The following INO80 variants were observed in gnomAD, a reference collection of about 807,000 sequenced individuals.
INO80 encodes chromatin-remodeling ATPase INO80.
INO80 carries 20 observed loss-of-function variants against 203.4 expected under a neutral mutation model. That is an observed-to-expected ratio of 0.10 (90% confidence interval 0.07 to 0.14). The LOEUF is 0.14. Among genes scored for constraint, INO80 ranks in the 10% least tolerant of loss-of-function variants. INO80 has a pLI of 1.00. For missense variants in INO80, 1,419 were observed against 1,914.4 expected, an observed-to-expected ratio of 0.74 and a Z score of 4.83; for synonymous variants, 726 against 685.2, an observed-to-expected ratio of 1.06 and a Z score of -0.93.
intron 1 of INO80, among the ~76,000 whole-genome samples, chr15:41,107,934 T>C (rs1158801069): frequency 6.6e-6 from 1 of 151,880 alleles, no homozygotes; most frequent in Admixed American, 6.6e-5. Flanking sequence ...ACCCCATCTC[T>C]ACTAAAAATA....
intron 24 of INO80, among the ~76,000 whole-genome samples, chr15:41,028,384 C>G (rs1257812594): frequency 6.6e-6 from 1 of 152,178 alleles, no homozygotes; most frequent in Non-Finnish European, 1.5e-5. Context: ...GATCCGCCTG[C>G]CTTGGCCTCC....
intron 24 of INO80, among the ~76,000 whole-genome samples, chr15:41,042,898 C>CA (rs2044694142): frequency 6.6e-6 from 1 of 152,142 alleles, no homozygotes; most frequent in Admixed American, 6.6e-5. Context: ...ACAGTGTCTC[C>CA]ACACATATAT....
At chr15:41,087,442 T>C in intron 6 of INO80, 120 bp downstream of exon 6, 2 of 1,107,052 alleles carry the variant, frequency 1.8e-6, no homozygotes, top group Non-Finnish European at 2.6e-6. Context: ...AGGAGAGTTT[T>C]TCAGATAAAG....
At chr15:41,031,511 G>T (rs1340152708) in intron 24 of INO80, among the ~76,000 whole-genome samples, 1 of 97,388 alleles carries the variant, frequency 1.0e-5, no homozygotes, top group Non-Finnish European at 2.1e-5. Flanking sequence ...GAGAAGGAAG[G>T]AAGGGGAAGG....
Position 41,056,609 on chromosome 15 carries a change from G to C in INO80, c.2070+13C>G. Reference sequence around the variant, plus strand: ...TATGAAGATATAAACCTGTGACCTGGACTAGTGCCTACCTCTGCCATGGTG... The same window carrying C: ...TATGAAGATATAAACCTGTGACCTGCACTAGTGCCTACCTCTGCCATGGTG... On this transcript the variant is annotated intron_variant, in intron 17 of 35. Transcript: ENST00000648947. 6.3e-7 allele frequency: 1 copy of C among 1,594,394 alleles called. No homozygotes were observed. Among genetic ancestry groups the C allele is most frequent in the Non-Finnish European group, 8.6e-7 (1 of 1,162,080 alleles).
At chr15:41,111,709 AGGAGAATCACTTGAACTCG>A (rs1185387670) in intron 1 of INO80, among the ~76,000 whole-genome samples, 1 of 151,884 alleles carries the variant, frequency 6.6e-6, no homozygotes, top group Non-Finnish European at 1.5e-5. Context: ...AGGCTGAGGC[AGGAGAATCACTTGAACTCG>A]GGAGGCGGAG....
intron 14 of INO80, among the ~76,000 whole-genome samples, chr15:41,068,570 A>G (rs1171631793): frequency 6.6e-6 from 1 of 151,492 alleles, no homozygotes; most frequent in Non-Finnish European, 1.5e-5. Context: ...TAAAAAAAAA[A>G]ACAACAGCTG....
chr15:41,027,461 T>A (rs2044392233), intron 25 of INO80, 135 bp downstream of exon 25: 4 of 748,050 alleles, frequency 5.3e-6, no homozygotes, highest in African/African-American at 1.8e-5. Context: ...GCCCACATTT[T>A]AAAATACTAG....
At chr15:41,105,282 T>C (rs1388270358) in intron 1 of INO80, among the ~76,000 whole-genome samples, 2 of 152,070 alleles carry the variant, frequency 1.3e-5, no homozygotes, top group Admixed American at 1.3e-4. Flanking sequence ...GCTTGGGGGT[T>C]GGGGGGGCAC....
chr15:40,981,196 C>A (rs1183777000), intron 35 of INO80, among the ~76,000 whole-genome samples: 1 of 151,798 alleles, frequency 6.6e-6, no homozygotes, highest in Non-Finnish European at 1.5e-5. Flanking sequence ...ACCACGGGTA[C>A]TCTCTGAACC....
At chr15:41,075,337 C>T (rs940370439) in intron 9 of INO80, among the ~76,000 whole-genome samples, 3 of 151,384 alleles carry the variant, frequency 2.0e-5, no homozygotes, top group African/African-American at 7.3e-5. Flanking sequence ...ATGGCACAAT[C>T]TGAGCCTCAC....
chr15:41,021,068 G>C lies in INO80; in HGVS notation c.3106C>G (p.Arg1036Gly), dbSNP rs1483842305. 5.6e-6 allele frequency: 9 copies of C among 1,614,016 alleles called. No homozygotes were observed. Among genetic ancestry groups the C allele is most frequent in the East Asian group, 2.2e-5 (1 of 44,898 alleles). Residue 1036 changes from arginine (R) to glycine (G), a missense_variant, in exon 26 of 36, where the codon CGA (arginine) becomes GGA (glycine). Arg to Gly is a moderately radical substitution (Grantham distance 125). Coordinates refer to ENST00000648947, the MANE Select transcript of INO80 (RefSeq NM_017553.3). ...AGACTCCCTCCTTCCTTCAGAACTC[G>C]CCTTTCATATTCTGCACTTCGGTCA... ...CNDRSAEYER[R>G]VLKEGGSLAA...
chr15:41,020,786 A>G (rs113433143), intron 26 of INO80, 114 bp downstream of exon 26: 64 of 640,182 alleles, frequency 1.0e-4, no homozygotes, highest in African/African-American at 9.9e-4. Flanking sequence ...CAAAAAAGGA[A>G]GCAGAAACCT....
At chr15:40,993,907 A>G (rs1298723126) in intron 29 of INO80, among the ~76,000 whole-genome samples, 1 of 152,074 alleles carries the variant, frequency 6.6e-6, no homozygotes, top group Non-Finnish European at 1.5e-5. Context: ...TCCTTGTAGC[A>G]TTTCATTTTT....
At chr15:41,028,071 T>C (rs1462460880) in intron 24 of INO80, among the ~76,000 whole-genome samples, 1 of 152,210 alleles carries the variant, frequency 6.6e-6, no homozygotes, top group Non-Finnish European at 1.5e-5. Flanking sequence ...TTGGTTCATC[T>C]GTTGCACTGT....
At chr15:40,984,925 C>G (rs1033914185) in intron 32 of INO80, among the ~76,000 whole-genome samples, 5 of 152,070 alleles carry the variant, frequency 3.3e-5, no homozygotes, top group Admixed American at 3.3e-4. Flanking sequence ...AGAAATAAAC[C>G]GGGGGTTTAT....
At chr15:40,986,262 G>A (rs537211978) in intron 31 of INO80, among the ~76,000 whole-genome samples, 3 of 149,462 alleles carry the variant, frequency 2.0e-5, no homozygotes, top group East Asian at 2.0e-4. Context: ...TACATTATTT[G>A]AAGCCACATT....
intron 28 of INO80, among the ~76,000 whole-genome samples, chr15:41,001,861 T>C (rs1247265029): frequency 2.0e-5 from 3 of 152,250 alleles, no homozygotes; most frequent in African/African-American, 7.2e-5. Flanking sequence ...ATTTTTTCTT[T>C]TGATGTCCTT....
At chr15:41,045,558 G>T (rs1399788786) in intron 23 of INO80, among the ~76,000 whole-genome samples, 1 of 142,340 alleles carries the variant, frequency 7.0e-6, no homozygotes, top group African/African-American at 2.7e-5. Context: ...CTCCAGCCTG[G>T]GCGACAGAGC....
Sources: allele counts gnomAD v4.1 joint callset (sites outside exome capture counted in the v4.1 genomes callset), GRCh38; gene constraint gnomAD v4.1.1; transcripts MANE v1.5; gene names NCBI Gene and HGNC (gene_info 2026-07-23, HGNC 2026-07-21).